NRXN3: variants seen among roughly 807,000 people sequenced by gnomAD.
NRXN3 encodes the protein neurexin 3.
In NRXN3, 32 loss-of-function variants were observed where a neutral mutation model predicts 137.6. That is an observed-to-expected ratio of 0.23 (90% CI 0.18 to 0.31). NRXN3 has a LOEUF of 0.31. NRXN3 is among the 10% of genes least tolerant of loss of function. The probability of loss-of-function intolerance (pLI) is 1.00; values close to 1 mark genes in which losing one functional copy is unlikely to be tolerated. For synonymous variants in NRXN3, 798 were observed against 784.5 expected (o/e 1.02, Z -0.29); for missense variants, 1,574 against 2,062.5 (o/e 0.76, Z 4.59).
At chr14:79,359,599 CT>C (rs1477098827) in intron 15 of NRXN3, among the ~76,000 whole-genome samples, 1 of 135,080 alleles carries the variant, frequency 7.4e-6, no homozygotes, top group African/African-American at 2.8e-5. Flanking sequence ...GAGACAGAGT[CT>C]TGCTCTGTCG....
intron 4 of NRXN3, among the ~76,000 whole-genome samples, chr14:78,624,377 C>A (rs183195114): frequency 4.6e-4 from 70 of 152,308 alleles, no homozygotes; most frequent in African/African-American, 1.7e-3. Context: ...ATGCCCCTGA[C>A]ACACTGGGTG....
intron 16 of NRXN3, among the ~76,000 whole-genome samples, chr14:79,526,606 A>G (rs2097122959): frequency 6.6e-6 from 1 of 152,200 alleles, no homozygotes; most frequent in East Asian, 1.9e-4. Flanking sequence ...TTCAACCAAC[A>G]TCAAATATTT....
rs1459589510 is a variant in NRXN3, at chr14:79,095,807, C to G, written c.3262+107666C>G. Among the ~76,000 whole-genome samples, 4 of 152,138 alleles carry G rather than the reference C, an allele frequency of 2.6e-5. No individual in the cohort carries two copies. In the East Asian group the frequency reaches 7.7e-4, roughly 29 times the overall value. On this transcript the variant is annotated intron_variant, in intron 15 of 20. Coordinates refer to ENST00000335750, the MANE Select transcript of NRXN3 (RefSeq NM_001330195.2). ...AAGTTGTCTTTGATTTTATTACTTT[C>G]TCCCTAATGTCCTAGGGAAAATATT...
At chr14:79,385,409 A>G (rs1194822087) in intron 15 of NRXN3, among the ~76,000 whole-genome samples, 1 of 151,920 alleles carries the variant, frequency 6.6e-6, no homozygotes, top group Admixed American at 6.6e-5. Context: ...TTATGGCTGC[A>G]TAGTATTCCA....
At chr14:78,444,843 C>T (rs557353468) in intron 4 of NRXN3, among the ~76,000 whole-genome samples, 16 of 137,788 alleles carry the variant, frequency 1.2e-4, no homozygotes, top group Admixed American at 1.2e-3. Context: ...CACGTGAACC[C>T]GGGAGGCAGA....
chr14:79,028,089 A>G (rs1022329998), intron 15 of NRXN3, among the ~76,000 whole-genome samples: 4 of 152,176 alleles, frequency 2.6e-5, no homozygotes, highest in South Asian at 2.1e-4. Context: ...TTTTACTGTA[A>G]CATGTACGAA....
intron 15 of NRXN3, among the ~76,000 whole-genome samples, chr14:79,391,153 A>G (rs1566992208): frequency 6.6e-6 from 1 of 152,072 alleles, no homozygotes. Flanking sequence ...TGTAATGGAC[A>G]AGAATGGCCT....
At chr14:78,907,332 G>C (rs907252807) in intron 10 of NRXN3, among the ~76,000 whole-genome samples, 2 of 151,992 alleles carry the variant, frequency 1.3e-5, no homozygotes, top group Admixed American at 1.3e-4. Flanking sequence ...TTGACTTTAG[G>C]TCACATGGCC....
intron 15 of NRXN3, among the ~76,000 whole-genome samples, chr14:79,429,610 G>A (rs1432587393): frequency 6.6e-6 from 1 of 152,188 alleles, no homozygotes; most frequent in Non-Finnish European, 1.5e-5. Flanking sequence ...AGAAACACTA[G>A]TGCATGAGGC....
chr14:79,041,101 C>A (rs1278560007), intron 15 of NRXN3, among the ~76,000 whole-genome samples: 1 of 152,108 alleles, frequency 6.6e-6, no homozygotes, highest in Non-Finnish European at 1.5e-5. Flanking sequence ...TACCTGAGTT[C>A]AAATCCTGAT....
chr14:78,290,196 G>A (rs944099681), intron 3 of NRXN3, among the ~76,000 whole-genome samples: 1 of 152,178 alleles, frequency 6.6e-6, no homozygotes, highest in African/African-American at 2.4e-5. Flanking sequence ...GGTAGGTAGA[G>A]GATTGCACTT....
intron 15 of NRXN3, among the ~76,000 whole-genome samples, chr14:79,127,400 C>T (rs1320950278): frequency 6.6e-6 from 1 of 152,102 alleles, no homozygotes; most frequent in East Asian, 1.9e-4. Flanking sequence ...ATATGGCTAG[C>T]CAGTTTTCCC....
chr14:79,390,288 G>A (rs2094801009), intron 15 of NRXN3, among the ~76,000 whole-genome samples: 1 of 146,988 alleles, frequency 6.8e-6, no homozygotes, highest in Non-Finnish European at 1.5e-5. Flanking sequence ...CTGCACTCCA[G>A]CCTGGGCAGC....
At chr14:79,678,326 C>G (rs2098651731) in intron 17 of NRXN3, among the ~76,000 whole-genome samples, 2 of 152,148 alleles carry the variant, frequency 1.3e-5, no homozygotes, top group South Asian at 4.1e-4. Context: ...TTGTTTATAG[C>G]AACTGCTCAA....
chr14:79,051,071 G>A (rs148137569), intron 15 of NRXN3, among the ~76,000 whole-genome samples: 184 of 152,188 alleles, frequency 1.2e-3, no homozygotes, highest in Middle Eastern at 0.01. Context: ...TGACACATAG[G>A]GAGGTTTAAA....
chr14:79,826,054 G>C (rs1399732524), intron 20 of NRXN3, among the ~76,000 whole-genome samples: 1 of 151,952 alleles, frequency 6.6e-6, no homozygotes, highest in Non-Finnish European at 1.5e-5. Flanking sequence ...AGAGTGCAGT[G>C]GTGCGATCTC....
rs192496513 is a variant in NRXN3 at position 79,465,686 on chromosome 14, G to A, written c.3263-1535G>A. Among the ~76,000 whole-genome samples the A allele has an allele frequency of 3.9e-5, 6 of 152,208 alleles. No homozygotes were observed. In the East Asian group the frequency reaches 5.8e-4, roughly 15 times the overall value. ...GTAAACTAGCTCTGGAAATACATGC[G>A]GACCAGTGCTTGAGATTTTTAGTAA... On this transcript the variant is annotated intron_variant, in intron 15 of 20. Coordinates refer to ENST00000335750, the MANE Select transcript of NRXN3 (RefSeq NM_001330195.2).
At chr14:78,897,188 A>G (rs77196968) in intron 10 of NRXN3, among the ~76,000 whole-genome samples, 3,109 of 151,980 alleles carry the variant, frequency 0.02, 50 homozygotes, top group South Asian at 0.087. Flanking sequence ...GTGTTTCATA[A>G]AGTGTTTGTT....
At chr14:78,427,162 G>A (rs1436109638) in intron 4 of NRXN3, among the ~76,000 whole-genome samples, 8 of 152,144 alleles carry the variant, frequency 5.3e-5, no homozygotes, top group Non-Finnish European at 1.5e-5. Flanking sequence ...CGGTGTCTGT[G>A]GGTCAGAGGC....
Sources: gnomAD v4.1 joint callset for allele counts (sites outside exome capture counted in the v4.1 genomes callset) on GRCh38, gnomAD v4.1.1 for gene constraint, MANE v1.5 for transcripts, NCBI Gene and HGNC (gene_info 2026-07-23, HGNC 2026-07-21) for gene names.